The following PAPSS2 variants were observed in gnomAD, a reference collection of about 807,000 sequenced individuals.
The protein encoded by PAPSS2 is bifunctional 3'-phosphoadenosine 5'-phosphosulfate synthase 2.
Under a neutral mutation model 66.5 loss-of-function variants are expected in PAPSS2, and 61 were observed. The ratio of observed to expected loss-of-function variants is 0.92; its 90% CI spans 0.75 to 1.14. The LOEUF is 1.14. Ranked by LOEUF, PAPSS2 falls within the 50% of genes most tolerant of loss-of-function variation. PAPSS2 has a pLI of 0.00. For missense variants in PAPSS2, 708 were observed against 789.6 expected, an observed-to-expected ratio of 0.90 and a Z score of 1.24; for synonymous variants, 289 against 287.5, an observed-to-expected ratio of 1.01 and a Z score of -0.05.
intron 1 of PAPSS2, among the ~76,000 whole-genome samples, chr10:87,681,568 A>C (rs529055517): frequency 6.6e-6 from 1 of 152,326 alleles, no homozygotes; most frequent in East Asian, 1.9e-4. Flanking sequence ...ATATACTATA[A>C]AATTCACCCA....
intron 8 of PAPSS2, among the ~76,000 whole-genome samples, chr10:87,722,816 A>G (rs957888402): frequency 6.6e-6 from 1 of 152,246 alleles, no homozygotes; most frequent in East Asian, 1.9e-4. Context: ...GTGTATACAC[A>G]TGTAGTGTTG....
At chr10:87,740,095 A>G (rs531279192) in intron 9 of PAPSS2, among the ~76,000 whole-genome samples, 1 of 152,240 alleles carries the variant, frequency 6.6e-6, no homozygotes, top group African/African-American at 2.4e-5. Flanking sequence ...AGATATGACT[A>G]TTCGGCAGAT....
In PAPSS2 at chr10:87,741,315, C is replaced by A. The variant is rs145242127; in HGVS notation, c.1167C>A (p.Asp389Glu). 1.2e-6 allele frequency: 2 copies of A among 1,613,618 alleles called. No individual in the cohort carries two copies. Among genetic ancestry groups the A allele is most frequent in the Non-Finnish European group, 1.7e-6 (2 of 1,179,554 alleles). ...AAATAAGATGGAATGATGGGCTGGA[C>A]CAATACCGTCTGACACCTCTGGAGC... ...LEKIRWNDGL[D>E]QYRLTPLELK... The change falls in exon 10 of 13, where the codon GAC becomes GAA. Residue 389 changes from aspartate to glutamate, a missense_variant. By Grantham distance (45) the Asp-to-Glu change is conservative. Coordinates refer to ENST00000456849, the MANE Select transcript of PAPSS2 (RefSeq NM_001015880.2).
chr10:87,719,531 A>T (rs904852572), intron 7 of PAPSS2, among the ~76,000 whole-genome samples: 3 of 152,192 alleles, frequency 2.0e-5, no homozygotes, highest in African/African-American at 7.2e-5. Context: ...CTAAGGCGGG[A>T]GGATCACTTG....
chr10:87,668,858 C>T (rs1388383077), intron 1 of PAPSS2, among the ~76,000 whole-genome samples: 1 of 152,108 alleles, frequency 6.6e-6, no homozygotes, highest in Non-Finnish European at 1.5e-5. Flanking sequence ...CTCTGATCAC[C>T]CTACCACACG....
intron 1 of PAPSS2, among the ~76,000 whole-genome samples, chr10:87,670,577 C>T (rs1011233212): frequency 5.7e-5 from 2 of 34,830 alleles, no homozygotes; most frequent in African/African-American, 2.0e-4. Context: ...AAAGATGGAG[C>T]ACACACACAC....
intron 1 of PAPSS2, among the ~76,000 whole-genome samples, chr10:87,672,887 A>G (rs1435655289): frequency 6.6e-6 from 1 of 152,254 alleles, no homozygotes; most frequent in East Asian, 1.9e-4. Context: ...TTGTGTTATG[A>G]CAAGTATATG....
At chr10:87,730,590 C>A (rs1350588258) in intron 9 of PAPSS2, among the ~76,000 whole-genome samples, 1 of 152,132 alleles carries the variant, frequency 6.6e-6, no homozygotes, top group Non-Finnish European at 1.5e-5. Flanking sequence ...TGCAAATGTA[C>A]CCCACAAAAG....
intron 1 of PAPSS2, among the ~76,000 whole-genome samples, chr10:87,679,896 C>T (rs1303475528): frequency 1.3e-5 from 2 of 151,756 alleles, no homozygotes; most frequent in East Asian, 1.9e-4. Context: ...TATGGTGGTG[C>T]GTGCCTGTAG....
chr10:87,705,317 G>A (rs2131927104), intron 1 of PAPSS2, among the ~76,000 whole-genome samples: 1 of 152,294 alleles, frequency 6.6e-6, no homozygotes, highest in Admixed American at 6.5e-5. Context: ...TACACTTTGA[G>A]TTGGGTTATT....
chr10:87,730,489 G>A (rs79653377), intron 9 of PAPSS2, among the ~76,000 whole-genome samples: 2,578 of 152,256 alleles, frequency 0.017, 39 homozygotes, highest in Middle Eastern at 0.027. Flanking sequence ...ACCTTTAAAT[G>A]TGTCAAAGTC....
intron 1 of PAPSS2, among the ~76,000 whole-genome samples, chr10:87,690,063 A>C (rs998422164): frequency 6.6e-6 from 1 of 152,254 alleles, no homozygotes; most frequent in Non-Finnish European, 1.5e-5. Context: ...ACAGATGTTC[A>C]TACTGATTGA....
At chr10:87,685,377 C>A (rs1313976799) in intron 1 of PAPSS2, among the ~76,000 whole-genome samples, 2 of 152,134 alleles carry the variant, frequency 1.3e-5, no homozygotes, top group African/African-American at 4.8e-5. Flanking sequence ...GAACTGCCAA[C>A]TCATATTTTA....
In PAPSS2 at chr10:87,709,193, T is replaced by C. The variant is rs1340646381; in HGVS notation, c.28-3T>C. The C allele has an allele frequency of 1.3e-6, 2 of 1,593,518 alleles. No homozygotes were observed. The highest frequency in any genetic ancestry group is 1.7e-4 in the Middle Eastern group (1 of 6,008). On this transcript the variant is annotated splice_polypyrimidine_tract_variant and splice_region_variant and intron_variant, in intron 1 of 12. Transcript: ENST00000456849. ...CTGTGCTTGGTTTTGTCTTATTTTA[T>C]AGGAGAACCAGCAGAAATCCACCAA... is the stretch of plus-strand genomic sequence containing the variant.
intron 1 of PAPSS2, among the ~76,000 whole-genome samples, chr10:87,664,549 A>G (rs1169690263): frequency 6.6e-6 from 1 of 152,194 alleles, no homozygotes; most frequent in Non-Finnish European, 1.5e-5. Flanking sequence ...TAACTCAGTT[A>G]TATGTCTCTT....
At chr10:87,711,042 T>C (rs562118905) in intron 2 of PAPSS2, among the ~76,000 whole-genome samples, 1 of 152,284 alleles carries the variant, frequency 6.6e-6, no homozygotes, top group South Asian at 2.1e-4. Flanking sequence ...TAAAAAGTCA[T>C]CTTTTTCTAA....
At chr10:87,678,789 T>C (rs918477575) in intron 1 of PAPSS2, among the ~76,000 whole-genome samples, 1 of 152,036 alleles carries the variant, frequency 6.6e-6, no homozygotes, top group African/African-American at 2.4e-5. Context: ...AAAGTAATAC[T>C]GGTGAGGATG....
intron 1 of PAPSS2, among the ~76,000 whole-genome samples, chr10:87,666,656 C>T (rs1163088326): frequency 6.6e-6 from 1 of 151,782 alleles, no homozygotes; most frequent in Non-Finnish European, 1.5e-5. Flanking sequence ...TCTGAAAGGC[C>T]CCTTCAATTT....
intron 9 of PAPSS2, among the ~76,000 whole-genome samples, chr10:87,738,435 G>A (rs1853827820): frequency 1.3e-5 from 2 of 149,650 alleles, no homozygotes; most frequent in South Asian, 4.2e-4. Flanking sequence ...GTGTGTGTGT[G>A]TGTGTCTCTG....
Sources: gnomAD v4.1 joint callset for allele counts (sites outside exome capture counted in the v4.1 genomes callset) on GRCh38, gnomAD v4.1.1 for gene constraint, MANE v1.5 for transcripts, NCBI Gene and HGNC (gene_info 2026-07-23, HGNC 2026-07-21) for gene names.